MZT2A: variants seen among roughly 807,000 people sequenced by gnomAD.
MZT2A encodes mitotic-spindle organizing protein 2A.
Under a neutral mutation model 12.4 loss-of-function variants are expected in MZT2A, and 8 were observed. The ratio of observed to expected loss-of-function variants is 0.64; its 90% CI spans 0.38 to 1.16. The LOEUF (loss-of-function observed/expected upper bound fraction) is 1.16, where lower values mean the gene tolerates loss of function less well. MZT2A is among the 50% of genes most tolerant of loss of function. MZT2A has a pLI of 0.01. For synonymous variants in MZT2A, 88 were observed against 107.5 expected (o/e 0.82, Z 1.12); for missense variants, 181 against 223.6 (o/e 0.81, Z 1.22).
At chr2:131,477,570 G>GC (rs1431921857) in intron 2 of MZT2A, among the ~76,000 whole-genome samples, 1 of 150,522 alleles carries the variant, frequency 6.6e-6, no homozygotes, top group Non-Finnish European at 1.5e-5. Context: ...GCTTTCTCCA[G>GC]CCCCCCAGTA....
chr2:131,484,021 C>A lies in MZT2A; in HGVS notation c.*40G>T. On this transcript the variant is annotated 3_prime_UTR_variant, in exon 3 of 3. Coordinates refer to ENST00000309451, the MANE Select transcript of MZT2A (RefSeq NM_001085365.2). Reference sequence around the variant, plus strand: ...TCAACTGAAGGAGGTAACATGTAGCCTTTGCTGGGGACAAAGATGTGACAA... The same window carrying A: ...TCAACTGAAGGAGGTAACATGTAGCATTTGCTGGGGACAAAGATGTGACAA... 1 of 1,575,980 alleles carries A rather than the reference C, an allele frequency of 6.3e-7. No homozygotes were observed. Among genetic ancestry groups the A allele is most frequent in the South Asian group, 1.1e-5 (1 of 87,380 alleles).
upstream of MZT2A, chr2:131,492,886 C>T (rs142365960): frequency 9.3e-6 from 14 of 1,506,502 alleles, no homozygotes; most frequent in Middle Eastern, 3.9e-4. Context: ...GAGGCCGCCA[C>T]AACGCAGGCG....
chr2:131,490,122 T>C, intron 2 of MZT2A: 4 of 694,090 alleles, frequency 5.8e-6, no homozygotes, highest in Non-Finnish European at 7.1e-6. Flanking sequence ...GTCAGGAGGC[T>C]CATGCAGGAG....
downstream of MZT2A, chr2:131,482,613 G>C (rs1223743613): frequency 1.2e-6 from 2 of 1,613,958 alleles, no homozygotes; most frequent in Non-Finnish European, 1.7e-6. Flanking sequence ...AAGGTGCAGC[G>C]GGCCGTGTGC....
downstream of MZT2A, among the ~76,000 whole-genome samples, chr2:131,483,290 G>C (rs141346610): frequency 2.4e-4 from 36 of 152,226 alleles, 1 homozygote; most frequent in East Asian, 4.8e-3. Flanking sequence ...TAAAGCTGTG[G>C]GTCAAATGTG....
At chr2:131,493,008 C>G (rs1209040457), upstream of MZT2A, 1 of 1,502,272 alleles carries the variant, frequency 6.7e-7, no homozygotes, top group Admixed American at 2.2e-5. Context: ...AGGTAACGGC[C>G]CAAAGAGGTA....
intron 2 of MZT2A, chr2:131,490,616 C>T: frequency 6.5e-7 from 1 of 1,548,166 alleles, no homozygotes; most frequent in East Asian, 2.4e-5. Flanking sequence ...TGATCCTGCC[C>T]TTGCAGCTCA....
rs543285213 is a variant in MZT2A, at chr2:131,490,704, A to G, written c.319+1172T>C. On this transcript the variant is annotated intron_variant, in intron 2 of 2. Coordinates refer to ENST00000309451, the MANE Select transcript of MZT2A (RefSeq NM_001085365.2). ...CACCAACCCCCAGAGATAAGCCAAT[A>G]AACGCAACCTGCAAAAGGAGAGAAC... The G allele has an allele frequency of 1.2e-5, 18 of 1,549,682 alleles. No individual in the cohort carries two copies. The East Asian group carries it at 4.2e-4, about 36-fold the overall frequency.
chr2:131,473,021 C>G (rs1416384615), intron 2 of MZT2A, among the ~76,000 whole-genome samples: 1 of 151,928 alleles, frequency 6.6e-6, no homozygotes. Flanking sequence ...TAAGGGTGGG[C>G]CCTGATCCAA....
intron 2 of MZT2A, 81 bp from the exon 3 acceptor site, chr2:131,484,299 A>G: frequency 6.4e-7 from 1 of 1,567,208 alleles, no homozygotes; most frequent in Non-Finnish European, 8.7e-7. Context: ...CTCCTTGGGC[A>G]ACATTTGTGT....
upstream of MZT2A, chr2:131,492,872 G>C: frequency 6.7e-7 from 1 of 1,496,534 alleles, no homozygotes; most frequent in Non-Finnish European, 9.0e-7. Context: ...ACCTTGGGGC[G>C]CCAGAGGCCG....
chr2:131,491,183 G>A (rs1242923100), intron 2 of MZT2A: 3 of 494,804 alleles, frequency 6.1e-6, no homozygotes, highest in Non-Finnish European at 1.1e-5. Flanking sequence ...GGATGAGCAG[G>A]GACGGAGGCT....
chr2:131,479,275 A>C (rs1445922291), downstream of MZT2A: 1 of 1,609,666 alleles, frequency 6.2e-7, no homozygotes, highest in Admixed American at 1.7e-5. Context: ...TACAGGCCTT[A>C]AAAATTCACA....
intron 2 of MZT2A, among the ~76,000 whole-genome samples, chr2:131,485,154 A>G (rs542201658): frequency 2.0e-5 from 3 of 151,982 alleles, no homozygotes; most frequent in Non-Finnish European, 4.4e-5. Flanking sequence ...GTGGGGTCTG[A>G]CCCGTGGGCT....
intron 2 of MZT2A, among the ~76,000 whole-genome samples, chr2:131,476,712 T>C (rs1189360497): frequency 6.6e-6 from 1 of 151,954 alleles, no homozygotes; most frequent in Non-Finnish European, 1.5e-5. Flanking sequence ...GGCGGGCGGA[T>C]CACCTGATGT....
intron 2 of MZT2A, among the ~76,000 whole-genome samples, chr2:131,476,456 G>A (rs924070833): frequency 6.6e-6 from 1 of 152,198 alleles, no homozygotes; most frequent in Non-Finnish European, 1.5e-5. Flanking sequence ...GTCCCCCAGA[G>A]AGCAAATAGT....
rs147118488 is a variant in MZT2A at position 131,478,213 on chromosome 2, A to G, written c.279-6031T>C. The stretch of plus-strand genomic sequence containing the variant: ...GGGCAGGCGGGTGTCCAGATCGGCA[A>G]TGCCTGCTGGGAACTGTACTGCCTT... On this transcript the variant is annotated intron_variant and NMD_transcript_variant, in intron 2 of 4. Coordinates refer to the MZT2A transcript ENST00000427024. 1.7e-5 allele frequency: 28 copies of G among 1,614,112 alleles called. No homozygotes were observed. Among genetic ancestry groups the G allele is most frequent in the Middle Eastern group, 1.7e-4 (1 of 6,060 alleles).
chr2:131,485,080 G>A (rs188347557), intron 2 of MZT2A, among the ~76,000 whole-genome samples: 5 of 152,276 alleles, frequency 3.3e-5, no homozygotes, highest in African/African-American at 9.6e-5. Context: ...TAGCAGGCTT[G>A]CCCGTGGGGT....
rs745455041 is a variant in MZT2A, at chr2:131,478,429, G to A, written c.279-6247C>T. The stretch of plus-strand genomic sequence containing the variant: ...GGATGGCAGCTTTCCTGAGAGGGTG[G>A]GAGAGCATTGGTAAAGCCCCGTGTG... On this transcript the variant is annotated intron_variant and NMD_transcript_variant, in intron 2 of 4. Coordinates refer to the MZT2A transcript ENST00000427024. 25 of 1,543,986 alleles carry A rather than the reference G, an allele frequency of 1.6e-5. No homozygotes were observed. In the South Asian group the frequency reaches 2.8e-4, roughly 17 times the overall value.
Sources: gnomAD v4.1 joint callset for allele counts (sites outside exome capture counted in the v4.1 genomes callset) on GRCh38, gnomAD v4.1.1 for gene constraint, MANE v1.5 for transcripts, NCBI Gene and HGNC (gene_info 2026-07-23, HGNC 2026-07-21) for gene names.